The following DSTN variants were observed in gnomAD, a reference collection of about 807,000 sequenced individuals.
DSTN encodes destrin.
A neutral mutation model predicts 16.8 loss-of-function variants in DSTN; 10 were observed. That is an observed-to-expected ratio of 0.60 (90% CI 0.37 to 1.01). DSTN has a LOEUF of 1.01. Ranked by LOEUF, DSTN falls within the 50% of genes least tolerant of loss-of-function variation. The pLI, the probability that DSTN is intolerant of heterozygous loss-of-function variation, is 0.01. For synonymous variants in DSTN, 57 were observed against 58.9 expected (o/e 0.97, Z 0.14); for missense variants, 141 against 196.7 (o/e 0.72, Z 1.69).
chr20:17,604,730 C>A, intron 3 of DSTN, 99 bp downstream of exon 3: 1 of 1,075,322 alleles, frequency 9.3e-7, no homozygotes, highest in Non-Finnish European at 1.3e-6. Flanking sequence ...TGCAGAGCTT[C>A]GGGCACAAGG....
chr20:17,595,452 C>T (rs1568737407), intron 1 of DSTN, among the ~76,000 whole-genome samples: 1 of 152,172 alleles, frequency 6.6e-6, no homozygotes, highest in Admixed American at 6.5e-5. Flanking sequence ...ACTCTCCCAT[C>T]TGTGCTGTGG....
rs542437391 is a variant in DSTN, at chr20:17,605,964, C to T, written c.389-1073C>T. ...CTAAAAATACAAAAAAAAAATTAGC[C>T]GGGCGTGGTGGCACATGCCTGTAAT... On this transcript the variant is annotated intron_variant, in intron 3 of 3. Coordinates refer to ENST00000246069, the MANE Select transcript of DSTN (RefSeq NM_006870.4). Among the ~76,000 whole-genome samples the T allele has an allele frequency of 2.2e-4, 33 of 152,098 alleles. 1 individual carries two copies. In the East Asian group the frequency reaches 4.3e-3, roughly 20 times the overall value.
At chr20:17,587,378 C>T (rs1401111683) in intron 1 of DSTN, among the ~76,000 whole-genome samples, 3 of 152,128 alleles carry the variant, frequency 2.0e-5, no homozygotes, top group Non-Finnish European at 2.9e-5. Context: ...GTGATCCTCC[C>T]TCATCACCTG....
chr20:17,596,644 TC>T, intron 1 of DSTN: 1 of 985,432 alleles, frequency 1.0e-6, no homozygotes, highest in Non-Finnish European at 1.2e-6. Flanking sequence ...GTTTTCTGCT[TC>T]CAGTTTCTGT....
At chr20:17,592,377 C>T (rs985015396) in intron 1 of DSTN, among the ~76,000 whole-genome samples, 4 of 150,468 alleles carry the variant, frequency 2.7e-5, no homozygotes, top group African/African-American at 7.4e-5. Flanking sequence ...CTGCAGTGAG[C>T]CATGATCACA....
At chr20:17,607,015 A>G (rs756798622) in intron 3 of DSTN, 22 bp from the exon 4 acceptor site, 5 of 1,608,676 alleles carry the variant, frequency 3.1e-6, no homozygotes, top group Non-Finnish European at 4.3e-6. Flanking sequence ...TTGTAAATAG[A>G]AGTGTTGTTT....
At chr20:17,583,827 C>T (rs556317040) in intron 1 of DSTN, among the ~76,000 whole-genome samples, 56 of 143,174 alleles carry the variant, frequency 3.9e-4, no homozygotes, top group African/African-American at 1.1e-3. Flanking sequence ...GCCTCTACCA[C>T]GCTGACTCAA....
In DSTN at chr20:17,577,235, A is replaced by G. The variant is rs150675197; in HGVS notation, c.3+7024A>G. 4.2e-3 allele frequency among the ~76,000 whole-genome samples: 647 copies of G among 152,340 alleles called. 7 individuals are homozygous for G. The highest frequency in any genetic ancestry group is 0.014 in the African/African-American group (590 of 41,576). On this transcript the variant is annotated intron_variant, in intron 1 of 3. Coordinates refer to ENST00000246069, the MANE Select transcript of DSTN (RefSeq NM_006870.4). ...TGGTACCGGAAGGTACTTAACCTGT[A>G]GTAATAGAACTAACACTAAAGCACA...
intron 1 of DSTN, among the ~76,000 whole-genome samples, chr20:17,589,611 T>G (rs760422563): frequency 1.1e-4 from 16 of 152,266 alleles, no homozygotes; most frequent in Non-Finnish European, 1.6e-4. Context: ...CTCAGCATGA[T>G]TGTTCAGAAG....
chr20:17,606,979 G>C, intron 3 of DSTN, 58 bp from the exon 4 acceptor site: 2 of 1,567,782 alleles, frequency 1.3e-6, no homozygotes, highest in East Asian at 2.3e-5. Context: ...GGTTATCTTA[G>C]AGAAAGAGGT....
chr20:17,601,380 C>G (rs1161444598), intron 2 of DSTN, among the ~76,000 whole-genome samples: 2 of 150,800 alleles, frequency 1.3e-5, no homozygotes, highest in Non-Finnish European at 2.9e-5. Flanking sequence ...CCCTACTTTT[C>G]CAACGAGCCA....
chr20:17,596,511 CT>C, intron 1 of DSTN: 1 of 511,952 alleles, frequency 2.0e-6, no homozygotes, highest in Non-Finnish European at 2.5e-6. Context: ...TGATACCACT[CT>C]TTTGTGTCTC....
chr20:17,600,526 G>C (rs1053423764), intron 1 of DSTN, among the ~76,000 whole-genome samples: 1 of 152,124 alleles, frequency 6.6e-6, no homozygotes, highest in African/African-American at 2.4e-5. Context: ...CCTTACCCCT[G>C]TGCAGTAGTG....
At chr20:17,594,852 CT>C (rs1457567695) in intron 1 of DSTN, among the ~76,000 whole-genome samples, 2 of 152,114 alleles carry the variant, frequency 1.3e-5, no homozygotes, top group African/African-American at 4.8e-5. Flanking sequence ...GGCTTGGAGC[CT>C]TATGTGACTA....
At chr20:17,571,460 T>C (rs2035206293) in intron 1 of DSTN, among the ~76,000 whole-genome samples, 1 of 152,278 alleles carries the variant, frequency 6.6e-6, no homozygotes, top group Admixed American at 6.5e-5. Flanking sequence ...TAATAGGGAT[T>C]TGATACTGTT....
At chr20:17,572,277 A>G (rs1467235026) in intron 1 of DSTN, among the ~76,000 whole-genome samples, 1 of 152,222 alleles carries the variant, frequency 6.6e-6, no homozygotes, top group African/African-American at 2.4e-5. Flanking sequence ...GTCTCCTCCA[A>G]CAAAAAACAA....
intron 1 of DSTN, among the ~76,000 whole-genome samples, chr20:17,575,389 C>T (rs961454430): frequency 1.3e-5 from 2 of 152,080 alleles, no homozygotes; most frequent in Non-Finnish European, 2.9e-5. Flanking sequence ...GTAACTAGAG[C>T]TAGTCTCTTT....
At chr20:17,603,754 A>G (rs1235659734) in intron 2 of DSTN, among the ~76,000 whole-genome samples, 1 of 152,260 alleles carries the variant, frequency 6.6e-6, no homozygotes, top group Admixed American at 6.5e-5. Flanking sequence ...TAATATTGAC[A>G]GTTAAGACAT....
At chr20:17,599,026 T>C (rs1024509489) in intron 1 of DSTN, among the ~76,000 whole-genome samples, 1 of 152,250 alleles carries the variant, frequency 6.6e-6, no homozygotes, top group Non-Finnish European at 1.5e-5. Context: ...CGAGTGTTTA[T>C]AGCAGTGTTA....
Sources: allele counts gnomAD v4.1 joint callset (sites outside exome capture counted in the v4.1 genomes callset), GRCh38; gene constraint gnomAD v4.1.1; transcripts MANE v1.5; gene names NCBI Gene and HGNC (gene_info 2026-07-23, HGNC 2026-07-21).